The following FAM117B variants were observed in gnomAD, a reference collection of about 807,000 sequenced individuals.
FAM117B encodes family with sequence similarity 117 member B.
In FAM117B, 22 loss-of-function variants were observed where a neutral mutation model predicts 52.8. The ratio of observed to expected loss-of-function variants is 0.42; its 90% confidence interval spans 0.30 to 0.59. The LOEUF (loss-of-function observed/expected upper bound fraction) is 0.59, where lower values mean the gene tolerates loss of function less well. Ranked by LOEUF, FAM117B falls within the 20% of genes least tolerant of loss-of-function variation. The pLI is 0.22. For missense variants in FAM117B, 678 were observed against 802.6 expected, an observed-to-expected ratio of 0.84 and a Z score of 1.88; for synonymous variants, 309 against 324.1, an observed-to-expected ratio of 0.95 and a Z score of 0.50.
chr2:202,731,971 G>A (rs1002953769), intron 4 of FAM117B, among the ~76,000 whole-genome samples: 5 of 151,680 alleles, frequency 3.3e-5, no homozygotes, highest in African/African-American at 1.2e-4. Context: ...CTGACCTCAG[G>A]TGATCTGCCC....
At chr2:202,685,708 G>C (rs1471806243) in intron 1 of FAM117B, among the ~76,000 whole-genome samples, 1 of 152,170 alleles carries the variant, frequency 6.6e-6, no homozygotes, top group South Asian at 2.1e-4. Context: ...TCCACAAACA[G>C]TTTTGGAGCA....
chr2:202,763,236 T>C (rs1481379537), intron 7 of FAM117B, among the ~76,000 whole-genome samples: 3 of 152,058 alleles, frequency 2.0e-5, no homozygotes, highest in African/African-American at 7.2e-5. Flanking sequence ...CATGCTTGGC[T>C]AATTTTTTGT....
chr2:202,699,381 C>T (rs369298345), intron 2 of FAM117B, among the ~76,000 whole-genome samples: 11 of 126,164 alleles, frequency 8.7e-5, no homozygotes, highest in Admixed American at 3.8e-4. Context: ...GAGCCGAGAT[C>T]GTGCCACCTC....
chr2:202,755,823 G>T (rs1691792468), intron 5 of FAM117B, 142 bp downstream of exon 5: 1 of 807,294 alleles, frequency 1.2e-6, no homozygotes, highest in Admixed American at 3.0e-5. Flanking sequence ...TCTTTGACCT[G>T]GGTGAGTGAA....
intron 1 of FAM117B, among the ~76,000 whole-genome samples, chr2:202,644,064 G>GTTTTTTTTTTTTTTTTTTTTTTTTTTT (rs1161026426): frequency 1.3e-4 from 12 of 95,136 alleles, no homozygotes; most frequent in African/African-American, 2.7e-4. Context: ...TTTTTTTTTT[G>GTTTTTTTTTTTTTTTTTTTTTTTTTTT]TTTTTTTTTT....
intron 1 of FAM117B, among the ~76,000 whole-genome samples, chr2:202,666,856 A>G (rs1690212576): frequency 6.6e-6 from 1 of 151,802 alleles, no homozygotes; most frequent in Non-Finnish European, 1.5e-5. Context: ...CGTGTTAGCC[A>G]GGATGGTCTC....
rs186360104 is a variant in FAM117B at position 202,641,315 on chromosome 2, A to T, written c.601+5527A>T. On this transcript the variant is annotated intron_variant, in intron 1 of 7. Transcript: ENST00000392238. ...ATCATATTCAGTTCTTTGTGGCTTG[A>T]AATGTAGGGTAATAGGGTGTTGGGA... Among the ~76,000 whole-genome samples the T allele has an allele frequency of 2.2e-3, 341 of 152,312 alleles. 4 individuals are homozygous for T. Among genetic ancestry groups the T allele is most frequent in the Admixed American group, 0.012 (190 of 15,302 alleles).
chr2:202,645,794 C>T (rs895889573), intron 1 of FAM117B, among the ~76,000 whole-genome samples: 1 of 151,648 alleles, frequency 6.6e-6, no homozygotes, highest in South Asian at 2.1e-4. Context: ...TTAGTAGAGA[C>T]GGGGTTTTAC....
intron 4 of FAM117B, among the ~76,000 whole-genome samples, chr2:202,744,819 CA>C (rs1044278191): frequency 6.7e-6 from 1 of 149,856 alleles, no homozygotes; most frequent in Non-Finnish European, 1.5e-5. Context: ...ACTAAAAATA[CA>C]AAAAAAATTA....
chr2:202,644,053 G>GTTTTTTTTTTTTTTTTTT (rs1219743876), intron 1 of FAM117B, among the ~76,000 whole-genome samples: 2 of 60,152 alleles, frequency 3.3e-5, no homozygotes, highest in Admixed American at 1.9e-4. Flanking sequence ...TTTAGGAGCT[G>GTTTTTTTTTTTTTTTTTT]TTTTTTTTTT....
chr2:202,669,074 T>A (rs1428237597), intron 1 of FAM117B, among the ~76,000 whole-genome samples: 1 of 152,132 alleles, frequency 6.6e-6, no homozygotes, highest in Non-Finnish European at 1.5e-5. Flanking sequence ...GTTCAGACAG[T>A]TTCTGGTTGA....
At chr2:202,656,400 T>C (rs983523652) in intron 1 of FAM117B, among the ~76,000 whole-genome samples, 3 of 152,170 alleles carry the variant, frequency 2.0e-5, no homozygotes, top group African/African-American at 7.2e-5. Flanking sequence ...AAGTTTGATA[T>C]GTATTTTCAT....
chr2:202,729,990 T>G (rs1691314249), intron 4 of FAM117B, among the ~76,000 whole-genome samples: 1 of 152,160 alleles, frequency 6.6e-6, no homozygotes, highest in South Asian at 2.1e-4. Context: ...GAATAGGATT[T>G]AGTGATCCAA....
At position 202,711,457 on chromosome 2, in the gene FAM117B, A is replaced by G. The variant is rs534359978; in HGVS notation, c.754-13460A>G. ...ATTTTGGCCATTAATCCCTTGTTGG[A>G]TGGATAATTTGCAAATATTTTCTCC... On this transcript the variant is annotated intron_variant, in intron 2 of 7. Transcript: ENST00000392238. Among the ~76,000 whole-genome samples, 4 of 152,174 alleles carry G rather than the reference A, an allele frequency of 2.6e-5. No homozygotes were observed. In the South Asian group the frequency reaches 6.2e-4, roughly 24 times the overall value.
chr2:202,650,578 A>G (rs1230716470), intron 1 of FAM117B, among the ~76,000 whole-genome samples: 1 of 152,202 alleles, frequency 6.6e-6, no homozygotes, highest in Non-Finnish European at 1.5e-5. Flanking sequence ...AAAGTCCCAC[A>G]ATAGGCTGTC....
At chr2:202,722,896 G>A (rs1481388989) in intron 2 of FAM117B, among the ~76,000 whole-genome samples, 1 of 151,884 alleles carries the variant, frequency 6.6e-6, no homozygotes, top group Non-Finnish European at 1.5e-5. Context: ...TTTTGATTTT[G>A]GTTTTTGATT....
intron 2 of FAM117B, among the ~76,000 whole-genome samples, chr2:202,718,242 C>G (rs567055891): frequency 6.6e-6 from 1 of 152,206 alleles, no homozygotes; most frequent in African/African-American, 2.4e-5. Context: ...GGCCTGGAAT[C>G]GAGAACCCCA....
intron 1 of FAM117B, among the ~76,000 whole-genome samples, chr2:202,691,286 A>G (rs1690617922): frequency 6.6e-6 from 1 of 152,000 alleles, no homozygotes; most frequent in African/African-American, 2.4e-5. Context: ...TGTTTTGGTG[A>G]TGCATGCCTG....
chr2:202,760,937 C>T (rs1260541186), intron 7 of FAM117B, among the ~76,000 whole-genome samples: 2 of 152,164 alleles, frequency 1.3e-5, no homozygotes, highest in Non-Finnish European at 2.9e-5. Flanking sequence ...GACAGGTTCT[C>T]ACTCTGTCAC....
Sources: allele counts gnomAD v4.1 joint callset (sites outside exome capture counted in the v4.1 genomes callset), GRCh38; gene constraint gnomAD v4.1.1; transcripts MANE v1.5; gene names NCBI Gene and HGNC (gene_info 2026-07-23, HGNC 2026-07-21).